KLF13: variants seen among roughly 807,000 people sequenced by gnomAD.
KLF13 encodes the protein Krueppel-like factor 13.
A neutral mutation model predicts 16.7 loss-of-function variants in KLF13; 8 were observed. The observed-to-expected ratio is 0.48, with a 90% confidence interval of 0.28 to 0.87. KLF13 has a LOEUF of 0.87. KLF13 is among the 40% of genes least tolerant of loss of function. The pLI, the probability that KLF13 is intolerant of heterozygous loss-of-function variation, is 0.10. For synonymous variants in KLF13, 245 were observed against 208.4 expected, an observed-to-expected ratio of 1.18 and a Z score of -1.51; for missense variants, 447 against 452.2, an observed-to-expected ratio of 0.99 and a Z score of 0.10.
intron 1 of KLF13, among the ~76,000 whole-genome samples, chr15:31,329,307 C>T (rs765558760): frequency 7.8e-6 from 1 of 128,410 alleles, no homozygotes; most frequent in East Asian, 2.2e-4. Context: ...CAGCTCGGCT[C>T]CAGGTGGATC....
At chr15:31,403,987 C>G (rs1256106678) in exon 3 of KLF13, 1 of 152,190 alleles carries the variant, frequency 6.6e-6, no homozygotes, top group Non-Finnish European at 1.5e-5. Context: ...GGCATGTTAC[C>G]ACAAGTACAG....
chr15:31,376,566 C>G lies in KLF13; in HGVS notation c.*4267C>G. ...AGGATTACCCCAGGAAGAACCAGGTCCTATTACTAATTTTCCTGATTCTGA... is the reference window on the plus strand; with the variant it reads ...AGGATTACCCCAGGAAGAACCAGGTGCTATTACTAATTTTCCTGATTCTGA... On this transcript the variant is annotated 3_prime_UTR_variant, in exon 2 of 2. Transcript: ENST00000307145. 1 of 152,550 alleles carries G rather than the reference C, an allele frequency of 6.6e-6. No homozygotes were observed. The highest frequency in any genetic ancestry group is 1.5e-5 in the Non-Finnish European group (1 of 67,998). The allele number at this position is 152,550 out of a possible 1,614,324, so 9.4% of individuals were successfully genotyped here. A position where few individuals can be genotyped will look rare whatever the true frequency, so the allele number is the denominator to read the frequency against.
intron 1 of KLF13, among the ~76,000 whole-genome samples, chr15:31,385,779 C>T (rs1234524264): frequency 6.6e-6 from 1 of 152,210 alleles, no homozygotes; most frequent in African/African-American, 2.4e-5. Flanking sequence ...CAATTAATAA[C>T]CTTACAATTG....
upstream of KLF13, among the ~76,000 whole-genome samples, chr15:31,389,509 C>G (rs2039833959): frequency 6.6e-6 from 1 of 152,220 alleles, no homozygotes; most frequent in Admixed American, 6.5e-5. Context: ...CCTCCTCCCC[C>G]TGTGTTTACA....
At chr15:31,400,645 G>C (rs894572080) in intron 2 of KLF13, among the ~76,000 whole-genome samples, 4 of 152,120 alleles carry the variant, frequency 2.6e-5, no homozygotes, top group Non-Finnish European at 5.9e-5. Flanking sequence ...TTCTAGCAGA[G>C]GGGTGGCAGG....
chr15:31,372,587 C>A lies in KLF13; in HGVS notation c.*288C>A, dbSNP rs1243519342. 1 of 447,722 alleles carries A rather than the reference C, an allele frequency of 2.2e-6. No individual in the cohort carries two copies. The highest frequency in any genetic ancestry group is 2.1e-5 in the African/African-American group (1 of 48,494). The allele number at this position is 447,722 out of a possible 1,614,324, so 27.7% of individuals were successfully genotyped here. On this transcript the variant is annotated 3_prime_UTR_variant, in exon 2 of 2. Coordinates refer to ENST00000307145, the MANE Select transcript of KLF13 (RefSeq NM_015995.4). The stretch of plus-strand genomic sequence containing the variant: ...TTTCACGAGGTCAGTGAGGACACCC[C>A]TTCCTGCCGCCTTACTCTGTACATA...
At chr15:31,358,924 C>T (rs1267134123) in intron 1 of KLF13, among the ~76,000 whole-genome samples, 1 of 152,170 alleles carries the variant, frequency 6.6e-6, no homozygotes, top group Non-Finnish European at 1.5e-5. Flanking sequence ...AGAGGAAAGG[C>T]GGGGGCAGTG....
At chr15:31,328,114 C>CGCGGGCAGGT (rs921934766) in intron 1 of KLF13, among the ~76,000 whole-genome samples, 1 of 149,674 alleles carries the variant, frequency 6.7e-6, no homozygotes, top group Admixed American at 6.6e-5. Flanking sequence ...CGGGAGGCGG[C>CGCGGGCAGGT]GCGGGCAGGT....
rs1440666205 is a variant in KLF13, at chr15:31,373,880, G to A, written c.*1581G>A. 7 of 148,376 alleles carry A rather than the reference G, an allele frequency of 4.7e-5. No individual in the cohort carries two copies. Among genetic ancestry groups the A allele is most frequent in the Non-Finnish European group, 7.4e-5 (5 of 67,174 alleles). The allele number at this position is 148,376 out of a possible 1,614,324, so 9.2% of individuals were successfully genotyped here. On this transcript the variant is annotated 3_prime_UTR_variant, in exon 2 of 2. Coordinates refer to ENST00000307145, the MANE Select transcript of KLF13 (RefSeq NM_015995.4). ...GGTGTGTGCGCGCGTGAGCACACAC[G>A]CGTGTGTTGGGGGGGGTGGGGGGAT...
chr15:31,339,156 G>C (rs1463747794), intron 1 of KLF13, among the ~76,000 whole-genome samples: 2 of 152,156 alleles, frequency 1.3e-5, no homozygotes, highest in African/African-American at 4.8e-5. Flanking sequence ...TAAACACTGG[G>C]TTGCCTTGGC....
upstream of KLF13, among the ~76,000 whole-genome samples, chr15:31,389,843 A>G (rs554245003): frequency 3.3e-5 from 5 of 152,166 alleles, no homozygotes; most frequent in South Asian, 1.0e-3. Context: ...CCAGGGGCAC[A>G]TTTCTTTCTC....
chr15:31,341,833 G>A (rs565138330), intron 1 of KLF13, among the ~76,000 whole-genome samples: 3 of 152,100 alleles, frequency 2.0e-5, no homozygotes, highest in Admixed American at 1.3e-4. Context: ...AGCCCCAGGC[G>A]CATCCAGCCT....
chr15:31,372,221 C>T lies in KLF13; in HGVS notation c.789C>T (p.Gly263=), dbSNP rs1308448064. 6.3e-7 allele frequency: 1 copy of T among 1,595,700 alleles called. No individual in the cohort carries two copies. Among genetic ancestry groups the T allele is most frequent in the Admixed American group, 1.7e-5 (1 of 58,806 alleles). ...GAATGCTGCAGCGGCGCGGCGGGGG[C>T]TCGCGGACCGGCTCCCTCAGCGACT... ...HPGMLQRRGG[G]SRTGSLSDYS... Residue 263 remains glycine (G), a synonymous_variant, in exon 2 of 2, where the codon GGC becomes GGT. Coordinates refer to ENST00000307145, the MANE Select transcript of KLF13 (RefSeq NM_015995.4).
intron 1 of KLF13, among the ~76,000 whole-genome samples, chr15:31,428,160 G>T (rs1174856231): frequency 1.3e-5 from 2 of 152,168 alleles, no homozygotes; most frequent in Non-Finnish European, 2.9e-5. Flanking sequence ...GGTATCTAAA[G>T]TAGTTAAACT....
At chr15:31,381,701 G>T (rs1217420594), downstream of KLF13, among the ~76,000 whole-genome samples, 1 of 152,212 alleles carries the variant, frequency 6.6e-6, no homozygotes, top group African/African-American at 2.4e-5. Flanking sequence ...ACAAAACATA[G>T]TTGAATTAAA....
At chr15:31,385,876 T>C (rs1462360114) in intron 1 of KLF13, among the ~76,000 whole-genome samples, 4 of 152,236 alleles carry the variant, frequency 2.6e-5, no homozygotes, top group Non-Finnish European at 4.4e-5. Flanking sequence ...GAGGAAGCCA[T>C]GTGAGGAAGT....
Position 31,387,828 on chromosome 15 carries a change from C to A in KLF13, n.224-47542C>A, listed in dbSNP as rs181510666. On this transcript the variant is annotated intron_variant and non_coding_transcript_variant, in intron 1 of 1. Transcript: ENST00000558921. Reference sequence around the variant, plus strand: ...ACAGATGTCCGTGACAGGGCTGTGACCAGCCTGTGATCAGGCTGTGACCAG... The same window carrying A: ...ACAGATGTCCGTGACAGGGCTGTGAACAGCCTGTGATCAGGCTGTGACCAG... Among the ~76,000 whole-genome samples, 93 of 152,330 alleles carry A rather than the reference C, an allele frequency of 6.1e-4. 1 individual carries two copies. In the East Asian group the frequency reaches 0.015, roughly 24 times the overall value.
At position 31,377,793 on chromosome 15, in the gene KLF13, C is replaced by A. The variant is rs2039674162; in HGVS notation, c.*5494C>A. ...ATAGATTCTATATTGTAATGATGTCCTATGCAAAAAGAAAAATTAACGAAA... is the reference window on the plus strand; with the variant it reads ...ATAGATTCTATATTGTAATGATGTCATATGCAAAAAGAAAAATTAACGAAA... On this transcript the variant is annotated 3_prime_UTR_variant, in exon 2 of 2. Transcript: ENST00000307145. 1 of 152,472 alleles carries A rather than the reference C, an allele frequency of 6.6e-6. No individual in the cohort carries two copies. Among genetic ancestry groups the A allele is most frequent in the South Asian group, 2.1e-4 (1 of 4,826 alleles). 9.4% of individuals were successfully genotyped at this position (152,472 alleles called of 1,614,324 possible). A position where few individuals can be genotyped will look rare whatever the true frequency, so the allele number is the denominator to read the frequency against.
At chr15:31,405,255 A>C (rs1041013083), downstream of KLF13, among the ~76,000 whole-genome samples, 6 of 152,268 alleles carry the variant, frequency 3.9e-5, no homozygotes, top group African/African-American at 4.8e-5. Context: ...CAGCGATTGC[A>C]GTGAGCCGAG....
Sources: allele counts gnomAD v4.1 joint callset (sites outside exome capture counted in the v4.1 genomes callset), GRCh38; gene constraint gnomAD v4.1.1; transcripts MANE v1.5; gene names NCBI Gene and HGNC (gene_info 2026-07-23, HGNC 2026-07-21).